The following MLLT10 variants were observed in gnomAD, a reference collection of about 807,000 sequenced individuals.
MLLT10 encodes MLLT10 histone lysine methyltransferase DOT1L cofactor, also known as protein AF-10.
MLLT10 carries 30 observed loss-of-function variants against 129.1 expected under a neutral mutation model. That is an observed-to-expected ratio of 0.23 (90% CI 0.17 to 0.32). The LOEUF (loss-of-function observed/expected upper bound fraction) is 0.32, where lower values mean the gene tolerates loss of function less well. Ranked by LOEUF, MLLT10 falls within the 10% of genes least tolerant of loss-of-function variation. The pLI, the probability that MLLT10 is intolerant of heterozygous loss-of-function variation, is 1.00. For missense variants in MLLT10, 1,119 were observed against 1,268.3 expected (o/e 0.88, Z 1.79); for synonymous variants, 490 against 446.4 (o/e 1.10, Z -1.23).
chr10:21,579,121 T>G (rs2131064695), intron 3 of MLLT10, among the ~76,000 whole-genome samples: 1 of 152,346 alleles, frequency 6.6e-6, no homozygotes, highest in East Asian at 1.9e-4. Flanking sequence ...GCATTGTGGT[T>G]GGATTTAGAA....
rs199548711 is a variant in MLLT10, at chr10:21,733,343, A to AT, written c.2408-152dup. Among the ~76,000 whole-genome samples, 904 of 151,912 alleles carry AT rather than the reference A, an allele frequency of 6.0e-3. 5 individuals are homozygous for AT. Among genetic ancestry groups the AT allele is most frequent in the South Asian group, 0.014 (67 of 4,800 alleles). ...TTTAAAGCGATGGTATTCAATATAG[A>AT]TTTTTTTTTCTTATTTAAATCAGTC... On this transcript the variant is annotated intron_variant, in intron 18 of 22. Transcript: ENST00000307729.
intron 8 of MLLT10, chr10:21,626,394 T>G (rs533502093): frequency 2.7e-5 from 17 of 619,876 alleles, no homozygotes; most frequent in Middle Eastern, 4.3e-4. Context: ...ATGATTCTTA[T>G]GTTTACATGG....
chr10:21,635,664 A>G (rs998599701), intron 8 of MLLT10, among the ~76,000 whole-genome samples: 4 of 151,346 alleles, frequency 2.6e-5, no homozygotes, highest in Non-Finnish European at 2.9e-5. Context: ...TTGTTTTTAT[A>G]TTTGGGATTC....
intron 8 of MLLT10, among the ~76,000 whole-genome samples, chr10:21,646,572 T>A (rs1466429460): frequency 6.6e-6 from 1 of 151,928 alleles, no homozygotes; most frequent in Non-Finnish European, 1.5e-5. Flanking sequence ...GTAAAAAAAA[T>A]AAACAGAATT....
At position 21,568,844 on chromosome 10, in the gene MLLT10, C is replaced by T. The variant is rs147127980; in HGVS notation, c.241-17450C>T. 9.3e-4 allele frequency among the ~76,000 whole-genome samples: 142 copies of T among 152,294 alleles called. 1 individual carries two copies. The East Asian group carries it at 0.022, about 23-fold the overall frequency. On this transcript the variant is annotated intron_variant, in intron 3 of 22. Coordinates refer to ENST00000307729, the MANE Select transcript of MLLT10 (RefSeq NM_001195626.3). Reference sequence around the variant, plus strand: ...AGAGACGGGGTTTCACCGTCTTGGTCAGGCTGGTCTTGAACTCCTGACCTT... The same window carrying T: ...AGAGACGGGGTTTCACCGTCTTGGTTAGGCTGGTCTTGAACTCCTGACCTT...
chr10:21,673,825 A>C lies in MLLT10; in HGVS notation c.1527A>C (p.Gly509=), dbSNP rs1200139148. 6.2e-7 allele frequency: 1 copy of C among 1,614,146 alleles called. No homozygotes were observed. Among genetic ancestry groups the C allele is most frequent in the Admixed American group, 1.7e-5 (1 of 60,004 alleles). Residue 509 remains glycine, a synonymous_variant, in exon 11 of 23, where the codon GGA becomes GGC. Transcript: ENST00000307729. ...SPTSSVASAA[G]SITSSSLQKS... ...CATCATCTGTAGCATCAGCTGCAGG[A>C]AGCATAACAAGCTCTAGTCTGCAGA...
intron 13 of MLLT10, chr10:21,688,557 C>T (rs2053523700): frequency 6.2e-7 from 1 of 1,604,696 alleles, no homozygotes; most frequent in South Asian, 1.1e-5. Flanking sequence ...CAAACTCCAG[C>T]ATGGTTCTAA....
At chr10:21,661,985 A>G (rs2050259248) in intron 9 of MLLT10, among the ~76,000 whole-genome samples, 1 of 151,704 alleles carries the variant, frequency 6.6e-6, no homozygotes, top group Non-Finnish European at 1.5e-5. Context: ...TTTATTGAGT[A>G]TTTTATATGA....
At chr10:21,681,405 G>A (rs747635672) in intron 12 of MLLT10, 29 bp downstream of exon 12, 7 of 1,530,648 alleles carry the variant, frequency 4.6e-6, no homozygotes, top group Non-Finnish European at 5.4e-6. Flanking sequence ...TTGATAACCC[G>A]GGCCTTTTGT....
intron 14 of MLLT10, among the ~76,000 whole-genome samples, chr10:21,717,677 T>TTCCTCCTCCTCTTCCTCCTCCTCCTCC (rs2056764633): frequency 5.1e-5 from 1 of 19,574 alleles, no homozygotes; most frequent in African/African-American, 2.2e-4. Context: ...CCTCCTCCTC[T>TTCCTCCTCCTCTTCCTCCTCCTCCTCC]TCCTCCTCCT....
At chr10:21,628,655 T>C (rs1289011309) in intron 8 of MLLT10, among the ~76,000 whole-genome samples, 4 of 151,748 alleles carry the variant, frequency 2.6e-5, no homozygotes, top group Non-Finnish European at 5.9e-5. Flanking sequence ...TCGGTCAGGC[T>C]GGTTTCAACT....
At chr10:21,662,262 T>G (rs748177196) in intron 9 of MLLT10, among the ~76,000 whole-genome samples, 3 of 152,214 alleles carry the variant, frequency 2.0e-5, no homozygotes, top group African/African-American at 7.2e-5. Flanking sequence ...CTACTGCCAT[T>G]TATTCGAGGG....
chr10:21,603,817 T>C lies in MLLT10; in HGVS notation c.405+8377T>C, dbSNP rs111876109. Among the ~76,000 whole-genome samples the C allele has an allele frequency of 6.4e-5, 9 of 140,852 alleles. 1 individual carries two copies. The highest frequency in any genetic ancestry group is 2.2e-4 in the African/African-American group (9 of 40,966). 92.4% of individuals were successfully genotyped at this position (140,852 alleles called of 152,430 possible). A position where few individuals can be genotyped will look rare whatever the true frequency, so the allele number is the denominator to read the frequency against. On this transcript the variant is annotated intron_variant, in intron 5 of 22. Coordinates refer to ENST00000307729, the MANE Select transcript of MLLT10 (RefSeq NM_001195626.3). ...GATGGATGTCAGTGGTTGACAGTTT[T>C]TGTTTTTTTGTTTTTTTTTTTTTAA...
chr10:21,568,762 G>A (rs557706268), intron 3 of MLLT10, among the ~76,000 whole-genome samples: 6 of 152,224 alleles, frequency 3.9e-5, no homozygotes, highest in African/African-American at 1.4e-4. Flanking sequence ...TCAGCCTCCT[G>A]AGTAGCTGCG....
intron 8 of MLLT10, among the ~76,000 whole-genome samples, chr10:21,638,257 T>TGGGG (rs1554827242): frequency 2.5e-5 from 2 of 80,552 alleles, no homozygotes; most frequent in African/African-American, 1.1e-4. Context: ...TTCTTTTTGG[T>TGGGG]GGGGGGAGGG....
chr10:21,688,654 ATGATGCCTG>A, intron 13 of MLLT10: 2 of 718,728 alleles, frequency 2.8e-6, no homozygotes, highest in Non-Finnish European at 2.2e-6. Flanking sequence ...TAAAAAAAAA[ATGATGCCTG>A]AAAGGAATTA....
At chr10:21,725,678 G>A (rs1259130424) in intron 14 of MLLT10, among the ~76,000 whole-genome samples, 6 of 132,980 alleles carry the variant, frequency 4.5e-5, no homozygotes, top group Non-Finnish European at 9.3e-5. Flanking sequence ...CCGAGAACGC[G>A]CCATTGCACT....
chr10:21,608,462 TTACC>T (rs2044281142), intron 5 of MLLT10, among the ~76,000 whole-genome samples: 1 of 152,080 alleles, frequency 6.6e-6, no homozygotes, highest in Non-Finnish European at 1.5e-5. Context: ...CAGATGTGAG[TTACC>T]ACTCCTAGCC....
Position 21,682,253 on chromosome 10 carries a change from C to G in MLLT10, c.1695C>G (p.His565Gln), listed in dbSNP as rs754756080. ...TTFSELLNAI[H>Q]NGIYNSNDVA... ...TCTCAGAGTTGCTGAATGCAATACA[C>G]AACGGTAAGTTTTATTAGAATCTTC... Residue 565 changes from histidine to glutamine, a missense_variant, in exon 13 of 23, where the codon CAC becomes CAG. This residue lies in a region of MLLT10 where 1,004 missense variants were observed against 1,008.7 expected (regional missense o/e 1.00). Coordinates refer to ENST00000307729, the MANE Select transcript of MLLT10 (RefSeq NM_001195626.3). The G allele has an allele frequency of 1.9e-6, 3 of 1,610,446 alleles. No homozygotes were observed. Among genetic ancestry groups the G allele is most frequent in the Admixed American group, 1.7e-5 (1 of 59,330 alleles).
Sources: allele counts gnomAD v4.1 joint callset (sites outside exome capture counted in the v4.1 genomes callset), GRCh38; gene constraint gnomAD v4.1.1; regional missense constraint gnomAD v4.1.1; transcripts MANE v1.5; gene names NCBI Gene and HGNC (gene_info 2026-07-23, HGNC 2026-07-21).